LANCL2: variants seen among roughly 807,000 people sequenced by gnomAD.
LANCL2 encodes the protein LanC like glutathione S-transferase 2, also known as lanC-like protein 2.
In LANCL2, 33 loss-of-function variants were observed where a neutral mutation model predicts 56.9. The ratio of observed to expected loss-of-function variants is 0.58; its 90% CI spans 0.44 to 0.78. The LOEUF is 0.78. Among genes scored for constraint, LANCL2 ranks in the 30% least tolerant of loss-of-function variants. The probability of loss-of-function intolerance (pLI) is 0.00; values close to 1 mark genes in which losing one functional copy is unlikely to be tolerated. For missense variants in LANCL2, 562 were observed against 580.2 expected, an observed-to-expected ratio of 0.97 and a Z score of 0.32; for synonymous variants, 233 against 228.2, an observed-to-expected ratio of 1.02 and a Z score of -0.19.
At chr7:55,422,822 C>G (rs1790622685) in intron 6 of LANCL2, among the ~76,000 whole-genome samples, 1 of 152,160 alleles carries the variant, frequency 6.6e-6, no homozygotes, top group Admixed American at 6.5e-5. Context: ...GTATAGTTCC[C>G]TTTTCATCTT....
At chr7:55,382,123 A>T (rs1353669414) in intron 1 of LANCL2, among the ~76,000 whole-genome samples, 1 of 152,244 alleles carries the variant, frequency 6.6e-6, no homozygotes, top group African/African-American at 2.4e-5. Context: ...TCTACATAAA[A>T]GACACATTTT....
rs113843415 is a variant in LANCL2, at chr7:55,392,255, T to C, written c.322+345T>C. On this transcript the variant is annotated intron_variant, in intron 2 of 8. Transcript: ENST00000254770. ...TTGCAGTGAGCCGAGATTGTGCCAC[T>C]GCACTCCAGCCTGAGCCACAGAGTG... is the stretch of plus-strand genomic sequence containing the variant. Among the ~76,000 whole-genome samples the C allele has an allele frequency of 1.3e-3, 205 of 151,966 alleles. 2 individuals carry two copies. Among genetic ancestry groups the C allele is most frequent in the African/African-American group, 4.8e-3 (197 of 41,420 alleles).
intron 5 of LANCL2, among the ~76,000 whole-genome samples, chr7:55,401,579 G>A (rs1479558594): frequency 1.9e-5 from 2 of 104,630 alleles, no homozygotes; most frequent in East Asian, 2.9e-4. Context: ...TCATTCTTGG[G>A]TGTTTCTCGC....
chr7:55,414,468 A>G (rs1044897240), intron 6 of LANCL2, among the ~76,000 whole-genome samples: 7 of 152,238 alleles, frequency 4.6e-5, no homozygotes, highest in Non-Finnish European at 1.0e-4. Context: ...TTGTTCAGGC[A>G]TGCTTATGAA....
At chr7:55,427,144 G>A (rs901804372) in intron 7 of LANCL2, among the ~76,000 whole-genome samples, 2 of 152,206 alleles carry the variant, frequency 1.3e-5, no homozygotes, top group Non-Finnish European at 2.9e-5. Flanking sequence ...AGACAGGTGG[G>A]TAGAGGCCAG....
At chr7:55,394,562 C>CTTT (rs1790227891) in intron 2 of LANCL2, among the ~76,000 whole-genome samples, 1 of 152,102 alleles carries the variant, frequency 6.6e-6, no homozygotes. Context: ...CCTGTCTCAA[C>CTTT]AAAAGAAGAA....
intron 7 of LANCL2, chr7:55,428,112 G>A (rs1341942704): frequency 9.5e-6 from 5 of 527,764 alleles, no homozygotes; most frequent in African/African-American, 5.7e-5. Flanking sequence ...GGAGAACAGA[G>A]TGTCGTTGAG....
At chr7:55,401,670 A>C (rs1790329696) in intron 5 of LANCL2, among the ~76,000 whole-genome samples, 1 of 133,056 alleles carries the variant, frequency 7.5e-6, no homozygotes. Flanking sequence ...TGGTTTTCCT[A>C]GGCAGAGGAC....
At chr7:55,402,124 A>G (rs1790337456) in intron 5 of LANCL2, among the ~76,000 whole-genome samples, 1 of 145,652 alleles carries the variant, frequency 6.9e-6, no homozygotes, top group Non-Finnish European at 1.5e-5. Context: ...GCGGCCGGGC[A>G]GAGGCGCCCC....
Position 55,415,621 on chromosome 7 carries a change from C to CT in LANCL2, c.1008+3540dup, listed in dbSNP as rs71031852. Among the ~76,000 whole-genome samples, 5 of 111,768 alleles carry CT rather than the reference C, an allele frequency of 4.5e-5. 1 individual carries two copies. Among genetic ancestry groups the CT allele is most frequent in the East Asian group, 2.8e-4 (1 of 3,574 alleles). 73.3% of individuals were successfully genotyped at this position (111,768 alleles called of 152,430 possible). On this transcript the variant is annotated intron_variant, in intron 6 of 8. Coordinates refer to ENST00000254770, the MANE Select transcript of LANCL2 (RefSeq NM_018697.4). ...CCATAGTTTATCATTGTTTTTCTTT[C>CT]TTTTTTTTGAGACACAGTGTCGCTC...
intron 1 of LANCL2, 139 bp downstream of exon 1, chr7:55,366,368 G>T (rs991639176): frequency 3.2e-5 from 22 of 688,750 alleles, no homozygotes; most frequent in African/African-American, 2.9e-4. Flanking sequence ...ACCTGTCTCC[G>T]GGCCTTCCCG....
intron 5 of LANCL2, among the ~76,000 whole-genome samples, chr7:55,411,120 C>T (rs1178316503): frequency 6.6e-6 from 1 of 152,186 alleles, no homozygotes; most frequent in Non-Finnish European, 1.5e-5. Context: ...GGCATGCCAC[C>T]CTAAGATGCT....
At chr7:55,397,366 C>T (rs1255922542) in intron 2 of LANCL2, 3 of 149,596 alleles carry the variant, frequency 2.0e-5, no homozygotes, top group Non-Finnish European at 4.4e-5. Context: ...GAGGCTGAGG[C>T]AGGAGAATCA....
chr7:55,422,970 C>CT (rs1418099508), intron 6 of LANCL2, among the ~76,000 whole-genome samples: 1 of 152,244 alleles, frequency 6.6e-6, no homozygotes, highest in Non-Finnish European at 1.5e-5. Context: ...AGCCCTGCCT[C>CT]TGACTCCAGA....
chr7:55,370,903 T>C (rs185613990), intron 1 of LANCL2, among the ~76,000 whole-genome samples: 47 of 152,354 alleles, frequency 3.1e-4, no homozygotes, highest in Middle Eastern at 3.4e-3. Flanking sequence ...AAATGAAATT[T>C]AAAATTGTAT....
Position 55,398,527 on chromosome 7 carries a change from C to T in LANCL2, c.427C>T (p.Arg143Cys), listed in dbSNP as rs138563706. ...VKRTLRNLNGRRVTFLCGDAG... is the reference protein window; with the variant it reads ...VKRTLRNLNGCRVTFLCGDAG... Reference sequence around the variant, plus strand: ...AAGAACACTTCGGAATCTGAATGGCCGCAGGGTCACCTTCCTCTGTGGGGA... The same window carrying T: ...AAGAACACTTCGGAATCTGAATGGCTGCAGGGTCACCTTCCTCTGTGGGGA... The change falls in exon 3 of 9, where the codon CGC becomes TGC. Residue 143 changes from arginine (R) to cysteine (C), a missense_variant. Arg to Cys is a radical substitution (Grantham distance 180, BLOSUM62 -3). Transcript: ENST00000254770. The T allele has an allele frequency of 8.1e-6, 13 of 1,614,012 alleles. No homozygotes were observed. The highest frequency in any genetic ancestry group is 6.7e-5 in the African/African-American group (5 of 74,894).
At chr7:55,374,971 G>C (rs920914815) in intron 1 of LANCL2, among the ~76,000 whole-genome samples, 6 of 152,204 alleles carry the variant, frequency 3.9e-5, no homozygotes, top group Admixed American at 6.5e-5. Flanking sequence ...AGAGGATTAA[G>C]TTAGATTAAG....
chr7:55,414,636 G>A lies in LANCL2; in HGVS notation c.1008+2547G>A, dbSNP rs1007810468. Among the ~76,000 whole-genome samples, 17 of 152,074 alleles carry A rather than the reference G, an allele frequency of 1.1e-4. No individual in the cohort carries two copies. In the East Asian group the frequency reaches 1.9e-3, roughly 17 times the overall value. On this transcript the variant is annotated intron_variant, in intron 6 of 8. Transcript: ENST00000254770. ...GGTATATACTCTTCTGTGTAGGAAC[G>A]TGTATTACTTGTTAATTTAAAGTTA...
intron 2 of LANCL2, among the ~76,000 whole-genome samples, chr7:55,395,846 T>A (rs1464380407): frequency 1.3e-5 from 2 of 152,174 alleles, no homozygotes; most frequent in African/African-American, 4.8e-5. Flanking sequence ...ACATCATGGA[T>A]GAGTTCTGAG....
Sources: gnomAD v4.1 joint callset for allele counts (sites outside exome capture counted in the v4.1 genomes callset) on GRCh38, gnomAD v4.1.1 for gene constraint, MANE v1.5 for transcripts, NCBI Gene and HGNC (gene_info 2026-07-23, HGNC 2026-07-21) for gene names.